The following PHACTR2 variants were observed in gnomAD, a reference collection of about 807,000 sequenced individuals.
PHACTR2 encodes phosphatase and actin regulator 2.
A neutral mutation model predicts 76.0 loss-of-function variants in PHACTR2; 30 were observed. The ratio of observed to expected loss-of-function variants is 0.39; its 90% CI spans 0.30 to 0.54. The LOEUF is 0.54. Ranked by LOEUF, PHACTR2 falls within the 20% of genes least tolerant of loss-of-function variation. PHACTR2 has a pLI of 0.61. For missense variants in PHACTR2, 696 were observed against 781.1 expected (o/e 0.89, Z 1.30); for synonymous variants, 292 against 292.5 (o/e 1.00, Z 0.02).
rs1325750935 is a variant in PHACTR2 at position 143,791,676 on chromosome 6, A to G, written c.1845+2766A>G. ...TCAGGTAACAAACAAGACATGTTAA[A>G]TCTCCCACTATGTGGATTTTTTTTT... On this transcript the variant is annotated intron_variant, in intron 11 of 12. Coordinates refer to ENST00000440869, the MANE Select transcript of PHACTR2 (RefSeq NM_001100164.2). The surrounding 1 kb of genome is among the most constrained non-coding windows in gnomAD (Gnocchi z 4.7). Among the ~76,000 whole-genome samples, 1 of 151,102 alleles carries G rather than the reference A, an allele frequency of 6.6e-6. No individual in the cohort carries two copies. Among genetic ancestry groups the G allele is most frequent in the African/African-American group, 2.4e-5 (1 of 41,078 alleles).
intron 1 of PHACTR2, among the ~76,000 whole-genome samples, chr6:143,644,721 T>C (rs1191436825): frequency 1.3e-5 from 2 of 151,944 alleles, no homozygotes; most frequent in Non-Finnish European, 2.9e-5. Context: ...TGTAAAACAA[T>C]GGTGTATCTT....
At chr6:143,781,677 C>G (rs1562305308) in intron 9 of PHACTR2, among the ~76,000 whole-genome samples, 1 of 152,208 alleles carries the variant, frequency 6.6e-6, no homozygotes. Flanking sequence ...TTTTGACAAT[C>G]CACAAGCTTT....
intron 2 of PHACTR2, among the ~76,000 whole-genome samples, chr6:143,744,714 A>G (rs1260574440): frequency 1.3e-5 from 2 of 152,232 alleles, no homozygotes; most frequent in African/African-American, 4.8e-5. Context: ...GAGGCGGGAC[A>G]GCCTAAGGGG....
intron 1 of PHACTR2, among the ~76,000 whole-genome samples, chr6:143,692,999 G>A (rs1299017404): frequency 6.6e-6 from 1 of 152,164 alleles, no homozygotes; most frequent in Non-Finnish European, 1.5e-5. Flanking sequence ...CCTTCCCTCT[G>A]TGTCCTCATA....
intron 1 of PHACTR2, among the ~76,000 whole-genome samples, chr6:143,655,734 C>T (rs1228427616): frequency 2.0e-5 from 3 of 152,204 alleles, no homozygotes; most frequent in Non-Finnish European, 2.9e-5. Flanking sequence ...TTTCTATTCA[C>T]GTTTCAGACT....
chr6:143,636,973 C>T (rs1214837302), intron 1 of PHACTR2, among the ~76,000 whole-genome samples: 1 of 152,234 alleles, frequency 6.6e-6, no homozygotes, highest in Non-Finnish European at 1.5e-5. Flanking sequence ...CCCTTGGGCA[C>T]ATGGCCACAT....
chr6:143,561,597 T>C lies in PHACTR2; in HGVS notation c.217+24390T>C, dbSNP rs1775277187. Reference sequence around the variant, plus strand: ...CCCTGGAGCTGGGCATAGTGAAGTCTCTGGGGAGGGCAGCACCCACAGGCT... The same window carrying C: ...CCCTGGAGCTGGGCATAGTGAAGTCCCTGGGGAGGGCAGCACCCACAGGCT... On this transcript the variant is annotated intron_variant, in intron 1 of 11. Coordinates refer to the PHACTR2 transcript ENST00000367584. This position sits in a 1 kb window ranked among gnomAD's most constrained non-coding sequence, Gnocchi z 4.1. The C allele has an allele frequency of 6.6e-6, 1 of 152,382 alleles. No homozygotes were observed. Among genetic ancestry groups the C allele is most frequent in the Admixed American group, 6.5e-5 (1 of 15,286 alleles). The allele number at this position is 152,382 out of a possible 1,614,324, so 9.4% of individuals were successfully genotyped here.
At chr6:143,771,235 T>TATAC (rs1775133137) in intron 6 of PHACTR2, among the ~76,000 whole-genome samples, 1 of 107,242 alleles carries the variant, frequency 9.3e-6, no homozygotes, top group African/African-American at 3.6e-5. Context: ...TATATATATA[T>TATAC]GCTTTTTTTT....
intron 4 of PHACTR2, among the ~76,000 whole-genome samples, chr6:143,758,234 C>T (rs1459753736): frequency 6.6e-6 from 1 of 152,162 alleles, no homozygotes; most frequent in African/African-American, 2.4e-5. Context: ...AAAGGAAAAA[C>T]ATCCCTCAGT....
chr6:143,612,984 G>A lies in PHACTR2; in HGVS notation c.13+4662G>A, dbSNP rs544580291. ...CCAGGATTCATGTAAATATATTTTT[G>A]TTTTTCTTTTTTTTGAGACGGAGTC... On this transcript the variant is annotated intron_variant, in intron 1 of 11. Transcript: ENST00000305766. 2.6e-5 allele frequency among the ~76,000 whole-genome samples: 4 copies of A among 152,280 alleles called. No individual in the cohort carries two copies. In the East Asian group the frequency reaches 7.7e-4, roughly 29 times the overall value.
At chr6:143,691,172 T>C (rs942548674) in intron 1 of PHACTR2, among the ~76,000 whole-genome samples, 1 of 152,180 alleles carries the variant, frequency 6.6e-6, no homozygotes, top group Non-Finnish European at 1.5e-5. Context: ...AGGTTAGTGG[T>C]ACTGTACAGA....
rs1197235819 is a variant in PHACTR2, at chr6:143,809,741, G to A, written c.1922+2608G>A. On this transcript the variant is annotated intron_variant, in intron 12 of 12. Transcript: ENST00000440869. The surrounding 1 kb of genome is among the most constrained non-coding windows in gnomAD (Gnocchi z 4.2). The stretch of plus-strand genomic sequence containing the variant: ...ATATATATATATATATTAAATATGT[G>A]TATGTACATGTATGCATTTATATGT... 1.3e-5 allele frequency among the ~76,000 whole-genome samples: 2 copies of A among 151,668 alleles called. No individual in the cohort carries two copies. Among genetic ancestry groups the A allele is most frequent in the Non-Finnish European group, 2.9e-5 (2 of 67,952 alleles).
intron 2 of PHACTR2, among the ~76,000 whole-genome samples, chr6:143,740,959 A>G (rs928792927): frequency 9.2e-5 from 14 of 152,220 alleles, no homozygotes; most frequent in Non-Finnish European, 4.4e-5. Flanking sequence ...AAATAAAAAT[A>G]ATTGCTTAGC....
At position 143,561,106 on chromosome 6, in the gene PHACTR2, GC is replaced by G; in HGVS notation, c.217+23903del. Reference sequence around the variant, plus strand: ...TTCACTGGCTGCCAGCCTGGGCCAGGCCCCACACACCTCAAACACAAGCAGG... The same window carrying G: ...TTCACTGGCTGCCAGCCTGGGCCAGGCCCACACACCTCAAACACAAGCAGG... On this transcript the variant is annotated intron_variant, in intron 1 of 11. Transcript: ENST00000367584. This position sits in a 1 kb window ranked among gnomAD's most constrained non-coding sequence, Gnocchi z 4.1. 6.5e-6 allele frequency: 1 copy of G among 153,354 alleles called. No homozygotes were observed. The allele number at this position is 153,354 out of a possible 1,614,324, so 9.5% of individuals were successfully genotyped here.
Position 143,648,303 on chromosome 6 carries a change from C to T in PHACTR2, c.13+39981C>T, listed in dbSNP as rs1776694003. Among the ~76,000 whole-genome samples the T allele has an allele frequency of 6.6e-6, 1 of 152,208 alleles. No individual in the cohort carries two copies. Among genetic ancestry groups the T allele is most frequent in the Admixed American group, 6.5e-5 (1 of 15,282 alleles). The stretch of plus-strand genomic sequence containing the variant: ...AGATAAAAATATTGCAGCCCATCTG[C>T]ATTTCCCTGGGAGCTCAATTAGTCA... On this transcript the variant is annotated intron_variant, in intron 1 of 11. Coordinates refer to the PHACTR2 transcript ENST00000305766. The surrounding 1 kb of genome is among the most constrained non-coding windows in gnomAD (Gnocchi z 6.7).
chr6:143,813,881 C>A (rs1776240051), intron 12 of PHACTR2, among the ~76,000 whole-genome samples: 1 of 152,262 alleles, frequency 6.6e-6, no homozygotes, highest in South Asian at 2.1e-4. Context: ...CTGATCCCCA[C>A]TCACAGTCAA....
intron 11 of PHACTR2, among the ~76,000 whole-genome samples, chr6:143,798,727 G>A (rs558835345): frequency 6.6e-6 from 1 of 152,292 alleles, no homozygotes; most frequent in Admixed American, 6.5e-5. Flanking sequence ...TGCATTGCAG[G>A]GATGAAGCTG....
At chr6:143,545,072 TAG>T (rs1774960706) in intron 1 of PHACTR2, among the ~76,000 whole-genome samples, 1 of 152,006 alleles carries the variant, frequency 6.6e-6, no homozygotes, top group African/African-American at 2.4e-5. Context: ...GCCTCCTGAA[TAG>T]CTGGGACTAC....
chr6:143,779,226 C>CA (rs1268610896), intron 9 of PHACTR2, among the ~76,000 whole-genome samples: 40 of 152,140 alleles, frequency 2.6e-4, no homozygotes, highest in Admixed American at 1.5e-3. Flanking sequence ...TGTCTTGGTT[C>CA]TTCCACATAG....
Sources: allele counts gnomAD v4.1 joint callset (sites outside exome capture counted in the v4.1 genomes callset), GRCh38; gene constraint gnomAD v4.1.1; non-coding constraint Gnocchi (gnomAD v3.1); transcripts MANE v1.5; gene names NCBI Gene and HGNC (gene_info 2026-07-23, HGNC 2026-07-21).